GCLC: variants seen among roughly 807,000 people sequenced by gnomAD.
GCLC encodes the protein glutamate--cysteine ligase catalytic subunit.
A neutral mutation model predicts 81.5 loss-of-function variants in GCLC; 30 were observed. That is an observed-to-expected ratio of 0.37 (90% CI 0.28 to 0.50). The LOEUF (loss-of-function observed/expected upper bound fraction) is 0.50. GCLC is among the 20% of genes least tolerant of loss of function. The probability of loss-of-function intolerance (pLI) is 0.96; values close to 1 mark genes in which losing one functional copy is unlikely to be tolerated. For missense variants in GCLC, 556 were observed against 777.4 expected (o/e 0.72, Z 3.39); for synonymous variants, 262 against 273.3 (o/e 0.96, Z 0.41).
intron 1 of GCLC, among the ~76,000 whole-genome samples, chr6:53,534,181 G>A (rs938032517): frequency 1.3e-5 from 2 of 152,190 alleles, no homozygotes; most frequent in Non-Finnish European, 2.9e-5. Context: ...TTAATAAAAT[G>A]TATGTCGACT....
rs985617756 is a variant in GCLC, at chr6:53,506,143, C to G, written c.1198-248G>C. 3 of 441,748 alleles carry G rather than the reference C, an allele frequency of 6.8e-6. No homozygotes were observed. The highest frequency in any genetic ancestry group is 6.0e-5 in the African/African-American group (3 of 49,696). 27.4% of individuals were successfully genotyped at this position (441,748 alleles called of 1,614,324 possible). On this transcript the variant is annotated intron_variant, in intron 10 of 15. Coordinates refer to ENST00000650454, the MANE Select transcript of GCLC (RefSeq NM_001498.4). The surrounding 1 kb of genome is among the most constrained non-coding windows in gnomAD (Gnocchi z 4.0). ...CTTAATCTCACCCAGCTCCTACTCC[C>G]TATCTCCCAGCTACAGAGCAGCATC...
chr6:53,515,242 C>A (rs1581736106), intron 4 of GCLC, among the ~76,000 whole-genome samples: 1 of 152,320 alleles, frequency 6.6e-6, no homozygotes, highest in East Asian at 1.9e-4. Context: ...GGCAGTGCTG[C>A]TATAGACTCA....
intron 8 of GCLC, 55 bp from the exon 9 acceptor site, chr6:53,507,673 A>G (rs1434243701): frequency 1.4e-6 from 1 of 719,806 alleles, no homozygotes; most frequent in Non-Finnish European, 2.2e-6. Context: ...AGTGGAATAT[A>G]TTTTTATATA....
chr6:53,539,484 A>G (rs2284650), intron 1 of GCLC, among the ~76,000 whole-genome samples: 13,845 of 152,154 alleles, frequency 0.091, 1,260 homozygotes, highest in Admixed American at 0.28. Flanking sequence ...CACAAACTGA[A>G]CCCCAAATCC....
chr6:53,513,020 T>C (rs1015939275), intron 6 of GCLC: 8 of 152,226 alleles, frequency 5.3e-5, no homozygotes, highest in Non-Finnish European at 1.2e-4. Flanking sequence ...TTTATGTTTA[T>C]TTGGAAGTCA....
At chr6:53,528,662 A>C (rs186134031) in intron 1 of GCLC, among the ~76,000 whole-genome samples, 158 of 152,350 alleles carry the variant, frequency 1.0e-3, no homozygotes, top group Non-Finnish European at 1.7e-3. Context: ...TTCACATGAT[A>C]CTATGAAAGG....
At chr6:53,515,680 T>C (rs1488155259) in intron 4 of GCLC, among the ~76,000 whole-genome samples, 3 of 152,102 alleles carry the variant, frequency 2.0e-5, no homozygotes, top group East Asian at 1.9e-4. Context: ...GTGCCTATTA[T>C]ATATATCAGG....
At chr6:53,508,034 G>A (rs918596209) in intron 8 of GCLC, among the ~76,000 whole-genome samples, 7 of 152,178 alleles carry the variant, frequency 4.6e-5, no homozygotes, top group Non-Finnish European at 8.8e-5. Context: ...AGCCCTGGTT[G>A]AGAATATCAA....
At position 53,517,249 on chromosome 6, in the gene GCLC, GTTTTTTTTTTT is replaced by G. The variant is rs201960255; in HGVS notation, c.447-1038_447-1028del. 1.0e-3 allele frequency among the ~76,000 whole-genome samples: 73 copies of G among 73,102 alleles called. 1 individual carries two copies. The highest frequency in any genetic ancestry group is 2.2e-3 in the South Asian group (3 of 1,388). 48.0% of individuals were successfully genotyped at this position (73,102 alleles called of 152,430 possible). Reference sequence around the variant, plus strand: ...TTACAGGCATGAGTCACTGTACCAAGTTTTTTTTTTTTTTTTTTTTTTTTTTTTCCAGGGAC... The same window carrying G: ...TTACAGGCATGAGTCACTGTACCAAGTTTTTTTTTTTTTTTTTCCAGGGAC... On this transcript the variant is annotated intron_variant, in intron 3 of 15. Coordinates refer to ENST00000650454, the MANE Select transcript of GCLC (RefSeq NM_001498.4).
chr6:53,500,206 A>G lies in GCLC; in HGVS notation c.1581+41T>C, dbSNP rs1259254107. On this transcript the variant is annotated intron_variant, in intron 14 of 15. Coordinates refer to ENST00000650454, the MANE Select transcript of GCLC (RefSeq NM_001498.4). ...CACTTTATGAACTCCCTGCCGGGGG[A>G]TGTGCACAGTGAGGGGTACTGTACA... 1.9e-6 allele frequency: 3 copies of G among 1,613,308 alleles called. No individual in the cohort carries two copies. In the South Asian group the frequency reaches 3.3e-5, roughly 18 times the overall value.
intron 6 of GCLC, chr6:53,513,535 T>C (rs574509944): frequency 6.6e-6 from 1 of 152,368 alleles, no homozygotes; most frequent in East Asian, 1.9e-4. Flanking sequence ...CCCAAAAACC[T>C]GAGTAGTGAC....
rs767055575 is a variant in GCLC at position 53,520,831 on chromosome 6, A to C, written c.393T>G (p.Ala131=). The change falls in exon 3 of 16, where the codon GCT becomes GCG. Residue 131 remains alanine, a synonymous_variant. Transcript: ENST00000650454. Reference sequence around the variant, plus strand: ...CCTGATTTTCTTCTAATATAGAAGTAGCCTCCTTCCGGCGTTTTCGCATGT... The same window carrying C: ...CCTGATTTTCTTCTAATATAGAAGTCGCCTCCTTCCGGCGTTTTCGCATGT... ...EANMRKRRKE[A]TSILEENQAL... is the part of the protein sequence containing the mutation. 9 of 1,614,060 alleles carry C rather than the reference A, an allele frequency of 5.6e-6. No individual in the cohort carries two copies. In the South Asian group the frequency reaches 8.8e-5, roughly 16 times the overall value.
At position 53,506,822 on chromosome 6, in the gene GCLC, TG is replaced by T. The variant is rs1253997481; in HGVS notation, c.1197+90del. 6 of 746,484 alleles carry T rather than the reference TG, an allele frequency of 8.0e-6. No homozygotes were observed. The East Asian group carries it at 1.6e-4, about 20-fold the overall frequency. The allele number at this position is 746,484 out of a possible 1,614,324, so 46.2% of individuals were successfully genotyped here. The stretch of plus-strand genomic sequence containing the variant: ...GGTACAGAAAACTGCCTCCCCATGT[TG>T]GTTTGTGAAGTGAAATGCATATAAA... On this transcript the variant is annotated intron_variant, in intron 10 of 15. Transcript: ENST00000650454. The surrounding 1 kb of genome is among the most constrained non-coding windows in gnomAD (Gnocchi z 4.0).
intron 1 of GCLC, among the ~76,000 whole-genome samples, chr6:53,527,061 C>A (rs1470983311): frequency 1.8e-4 from 27 of 152,162 alleles, no homozygotes; most frequent in Admixed American, 1.8e-3. Context: ...GAAACCTACA[C>A]CAAGCCCTTC....
chr6:53,500,363 A>T lies in GCLC; in HGVS notation c.1478-13T>A. ...ACTGCATTGCCACCTGCCGGAGAAG[A>T]GGGTCAGGGGAGCTTTAGCAGCTTG... On this transcript the variant is annotated splice_polypyrimidine_tract_variant and intron_variant, in intron 13 of 15. Transcript: ENST00000650454. The T allele has an allele frequency of 6.2e-7, 1 of 1,613,274 alleles. No homozygotes were observed. The highest frequency in any genetic ancestry group is 8.5e-7 in the Non-Finnish European group (1 of 1,179,256).
intron 1 of GCLC, among the ~76,000 whole-genome samples, chr6:53,536,887 G>T (rs1275009631): frequency 6.6e-6 from 1 of 152,180 alleles, no homozygotes; most frequent in Non-Finnish European, 1.5e-5. Flanking sequence ...TTTTCTGTAG[G>T]AGATAGGTAT....
intron 2 of GCLC, among the ~76,000 whole-genome samples, chr6:53,521,737 G>A (rs1763001143): frequency 6.6e-6 from 1 of 152,132 alleles, no homozygotes; most frequent in African/African-American, 2.4e-5. Context: ...ACTTTGGGAG[G>A]CTGAGGCGGG....
chr6:53,537,235 C>T (rs892200865), intron 1 of GCLC, among the ~76,000 whole-genome samples: 2 of 152,216 alleles, frequency 1.3e-5, no homozygotes, highest in South Asian at 2.1e-4. Context: ...CTAGCATACA[C>T]GCATGCACAC....
At chr6:53,527,877 A>T (rs991407129) in intron 1 of GCLC, among the ~76,000 whole-genome samples, 1 of 152,202 alleles carries the variant, frequency 6.6e-6, no homozygotes, top group Non-Finnish European at 1.5e-5. Context: ...CACTGACTGC[A>T]GCACAATCAC....
Sources: gnomAD v4.1 joint callset for allele counts (sites outside exome capture counted in the v4.1 genomes callset) on GRCh38, gnomAD v4.1.1 for gene constraint, Gnocchi (gnomAD v3.1) non-coding constraint, MANE v1.5 for transcripts, NCBI Gene and HGNC (gene_info 2026-07-23, HGNC 2026-07-21) for gene names.